ATAD2: variants seen among roughly 807,000 people sequenced by gnomAD.
The protein encoded by ATAD2 is ATPase family AAA domain containing 2, also known as ATPase family AAA domain-containing protein 2.
In ATAD2, 62 loss-of-function variants were observed where a neutral mutation model predicts 168.9. That is an observed-to-expected ratio of 0.37 (90% CI 0.30 to 0.45). The LOEUF (loss-of-function observed/expected upper bound fraction) is 0.45, where lower values mean the gene tolerates loss of function less well. ATAD2 is among the 20% of genes least tolerant of loss of function. ATAD2 has a pLI of 1.00. For missense variants in ATAD2, 1,419 were observed against 1,667.8 expected, an observed-to-expected ratio of 0.85 and a Z score of 2.60; for synonymous variants, 613 against 571.6, an observed-to-expected ratio of 1.07 and a Z score of -1.03.
In ATAD2 at chr8:123,344,845, C is replaced by T. The variant is rs538794256; in HGVS notation, c.2718+39G>A. ...TATGATTATTGTGGTAGAAACAACT[C>T]TTTTTGAAAGTATAATGATACCGCC... On this transcript the variant is annotated intron_variant, in intron 19 of 27. Transcript: ENST00000287394. 27 of 1,593,546 alleles carry T rather than the reference C, an allele frequency of 1.7e-5. No individual in the cohort carries two copies. In the Admixed American group the frequency reaches 2.3e-4, roughly 14 times the overall value.
At chr8:123,401,759 A>G (rs968164866) in intron 1 of ATAD2, 9 of 747,868 alleles carry the variant, frequency 1.2e-5, no homozygotes, top group Non-Finnish European at 1.7e-5. Flanking sequence ...GGAGGCCCCC[A>G]GCGAATAGTT....
Position 123,334,185 on chromosome 8 carries a change from A to G in ATAD2, c.3334+15T>C. 6.4e-7 allele frequency: 1 copy of G among 1,569,786 alleles called. No individual in the cohort carries two copies. The highest frequency in any genetic ancestry group is 8.6e-7 in the Non-Finnish European group (1 of 1,165,202). On this transcript the variant is annotated intron_variant, in intron 23 of 27. Transcript: ENST00000287394. ...AATATTAGGTTGGTACAAATCAACC[A>G]AATCACTTTCCTACCTCTTTTCTTT...
rs202042646 is a variant in ATAD2 at position 123,369,925 on chromosome 8, T to C, written c.827A>G (p.Asp276Gly). 2.6e-6 allele frequency: 4 copies of C among 1,563,110 alleles called. No homozygotes were observed. Among genetic ancestry groups the C allele is most frequent in the East Asian group, 2.3e-5 (1 of 43,878 alleles). The change falls in exon 7 of 28, where the codon GAT becomes GGT. Residue 276 changes from aspartate (D) to glycine (G), a missense_variant. Physicochemically the swap from Asp to Gly is moderately conservative, Grantham distance 94. Coordinates refer to ENST00000287394, the MANE Select transcript of ATAD2 (RefSeq NM_014109.4). ...DDDDDDDDDD[D>G]DEDDEDEEDG... ...TTCTTCATCTTCATCATCTTCATCA[T>C]CATCATCATCATCATCATCGTCATC...
Position 123,356,422 on chromosome 8 carries a change from G to A in ATAD2, c.1613C>T (p.Pro538Leu). 1 of 1,612,002 alleles carries A rather than the reference G, an allele frequency of 6.2e-7. No individual in the cohort carries two copies. The change falls in exon 13 of 28, where the codon CCA becomes CTA. Residue 538 changes from proline (P) to leucine (L), a missense_variant. Transcript: ENST00000287394. ...CTGATCTTGCCTGCTTGACCGTACT[G>A]GAGCCAGACCATCAATTTCGTCAAA... Reference protein sequence around the residue: ...IFFDEIDGLAPVRSSRQDQIH... With the variant: ...IFFDEIDGLALVRSSRQDQIH...
At chr8:123,347,524 G>A in intron 15 of ATAD2, 118 bp from the exon 16 acceptor site, 1 of 1,041,956 alleles carries the variant, frequency 9.6e-7, no homozygotes, top group Non-Finnish European at 1.4e-6. Context: ...AATATAGTTA[G>A]CAAATATTTA....
At chr8:123,390,873 G>C (rs558996369) in intron 1 of ATAD2, among the ~76,000 whole-genome samples, 4 of 152,086 alleles carry the variant, frequency 2.6e-5, no homozygotes, top group African/African-American at 9.7e-5. Flanking sequence ...GCTGGGCATG[G>C]TGGCAGGCGC....
At chr8:123,324,125 G>A (rs1311466385) in intron 26 of ATAD2, among the ~76,000 whole-genome samples, 1 of 152,162 alleles carries the variant, frequency 6.6e-6, no homozygotes, top group African/African-American at 2.4e-5. Context: ...TTTTAATAGA[G>A]TTTTTCAGAA....
At chr8:123,366,083 C>T (rs576187171) in intron 8 of ATAD2, among the ~76,000 whole-genome samples, 2 of 148,078 alleles carry the variant, frequency 1.4e-5, no homozygotes, top group East Asian at 3.9e-4. Flanking sequence ...AAGAAAAAAA[C>T]AATCCCATCA....
intron 1 of ATAD2, among the ~76,000 whole-genome samples, chr8:123,412,325 T>TA (rs957896161): frequency 2.6e-5 from 4 of 152,236 alleles, no homozygotes; most frequent in African/African-American, 9.6e-5. Flanking sequence ...TTTTAATTAA[T>TA]AAAAATATCA....
At chr8:123,337,053 C>CAAAAAAA (rs58960333) in intron 21 of ATAD2, among the ~76,000 whole-genome samples, 2 of 62,006 alleles carry the variant, frequency 3.2e-5, no homozygotes, top group Non-Finnish European at 7.7e-5. Flanking sequence ...ACCCTTACTA[C>CAAAAAAA]AAAAAAAAAA....
At chr8:123,349,193 C>T in intron 14 of ATAD2, 92 bp downstream of exon 14, 1 of 1,316,528 alleles carries the variant, frequency 7.6e-7, no homozygotes. Flanking sequence ...TGATACAAAA[C>T]TCAAGAATCT....
intron 1 of ATAD2, among the ~76,000 whole-genome samples, chr8:123,409,317 T>C (rs1813118458): frequency 6.6e-6 from 1 of 152,172 alleles, no homozygotes; most frequent in African/African-American, 2.4e-5. Flanking sequence ...CCCAGCCAAC[T>C]TCCCACCCCC....
chr8:123,397,924 G>C (rs1812930609), upstream of ATAD2, among the ~76,000 whole-genome samples: 1 of 152,154 alleles, frequency 6.6e-6, no homozygotes, highest in Non-Finnish European at 1.5e-5. Flanking sequence ...GAAGCAGGAA[G>C]GGGAGAGTGG....
chr8:123,396,603 G>A, upstream of ATAD2: 1 of 537,354 alleles, frequency 1.9e-6, no homozygotes, highest in Non-Finnish European at 3.3e-6. Flanking sequence ...AGGAACACAG[G>A]CCGACAGTAT....
At chr8:123,357,520 G>A in intron 12 of ATAD2, 42 bp downstream of exon 12, 1 of 1,535,924 alleles carries the variant, frequency 6.5e-7, no homozygotes, top group East Asian at 2.3e-5. Flanking sequence ...CATCTGCCTA[G>A]ATTACAGAAC....
chr8:123,369,190 T>C lies in ATAD2; in HGVS notation c.932-15A>G, dbSNP rs1829065478. On this transcript the variant is annotated splice_polypyrimidine_tract_variant and intron_variant, in intron 7 of 27. Coordinates refer to ENST00000287394, the MANE Select transcript of ATAD2 (RefSeq NM_014109.4). The stretch of plus-strand genomic sequence containing the variant: ...GTGACGAGGTTCTAAAAAAAAGAAA[T>C]ATATATATATATTTGTATATATATA... 2.1e-6 allele frequency: 2 copies of C among 947,912 alleles called. No homozygotes were observed. The highest frequency in any genetic ancestry group is 2.8e-6 in the Non-Finnish European group (2 of 702,198). The allele number at this position is 947,912 out of a possible 1,614,324, so 58.7% of individuals were successfully genotyped here.
chr8:123,380,718 C>T, intron 1 of ATAD2, 41 bp from the exon 2 acceptor site: 2 of 1,574,270 alleles, frequency 1.3e-6, no homozygotes, highest in East Asian at 2.3e-5. Flanking sequence ...TTTTTCTTTA[C>T]AAAACTCCAA....
intron 24 of ATAD2, among the ~76,000 whole-genome samples, chr8:123,331,129 C>T (rs953103802): frequency 3.9e-5 from 6 of 151,900 alleles, no homozygotes; most frequent in African/African-American, 7.3e-5. Context: ...TTAGTAGAGA[C>T]GGGGTTTCAC....
At chr8:123,369,205 G>T (rs1563854183) in intron 7 of ATAD2, 30 bp from the exon 8 acceptor site, 4 of 635,978 alleles carry the variant, frequency 6.3e-6, no homozygotes, top group Non-Finnish European at 8.7e-6. Context: ...ATATATATTT[G>T]TATATATATA....
Sources: allele counts gnomAD v4.1 joint callset (sites outside exome capture counted in the v4.1 genomes callset), GRCh38; gene constraint gnomAD v4.1.1; transcripts MANE v1.5; gene names NCBI Gene and HGNC (gene_info 2026-07-23, HGNC 2026-07-21).